SSBP2: variants seen among roughly 807,000 people sequenced by gnomAD.
The protein encoded by SSBP2 is single stranded DNA binding protein 2, also known as single-stranded DNA-binding protein 2.
SSBP2 carries 17 observed loss-of-function variants against 61.8 expected under a neutral mutation model. The observed-to-expected ratio is 0.28, with a 90% CI of 0.19 to 0.41. The LOEUF is 0.41. Among genes scored for constraint, SSBP2 ranks in the 10% least tolerant of loss-of-function variants. The pLI, the probability that SSBP2 is intolerant of heterozygous loss-of-function variation, is 1.00. For synonymous variants in SSBP2, 139 were observed against 141.3 expected (o/e 0.98, Z 0.12); for missense variants, 310 against 458.7 (o/e 0.68, Z 2.96).
intron 15 of SSBP2, among the ~76,000 whole-genome samples, chr5:81,429,658 A>G (rs908128580): frequency 6.6e-6 from 1 of 152,174 alleles, no homozygotes; most frequent in Non-Finnish European, 1.5e-5. Context: ...ACTTTTTCCT[A>G]AGCCATTCCT....
chr5:81,691,274 G>A (rs1753182850), intron 1 of SSBP2, among the ~76,000 whole-genome samples: 1 of 151,852 alleles, frequency 6.6e-6, no homozygotes, highest in East Asian at 1.9e-4. Flanking sequence ...CAATGAAAAA[G>A]TTGTTTTTTT....
At chr5:81,452,415 C>T (rs903806774) in intron 10 of SSBP2, among the ~76,000 whole-genome samples, 3 of 152,162 alleles carry the variant, frequency 2.0e-5, no homozygotes, top group Non-Finnish European at 4.4e-5. Context: ...GCATGACCTA[C>T]CACACCTAGC....
chr5:81,437,847 T>C (rs916817951), intron 14 of SSBP2: 5 of 152,754 alleles, frequency 3.3e-5, no homozygotes, highest in African/African-American at 1.2e-4. Flanking sequence ...GTAAATCTGA[T>C]AAAATATAAA....
chr5:81,696,847 C>CCTT (rs1455819952), intron 1 of SSBP2, among the ~76,000 whole-genome samples: 2 of 152,188 alleles, frequency 1.3e-5, no homozygotes, highest in African/African-American at 2.4e-5. Context: ...GGAGCAGGAA[C>CCTT]CTTGCATGCC....
chr5:81,443,897 T>A (rs924720787), intron 12 of SSBP2, among the ~76,000 whole-genome samples: 3 of 152,204 alleles, frequency 2.0e-5, no homozygotes, highest in African/African-American at 7.2e-5. Flanking sequence ...GTGTTTAAAA[T>A]TTTTGTACTG....
At chr5:81,589,392 A>G (rs889871212) in intron 4 of SSBP2, among the ~76,000 whole-genome samples, 2 of 152,258 alleles carry the variant, frequency 1.3e-5, no homozygotes, top group Non-Finnish European at 2.9e-5. Context: ...ATTTCTTTAA[A>G]TAAATCAAAA....
chr5:81,483,374 T>C (rs1219206434), intron 6 of SSBP2, among the ~76,000 whole-genome samples: 1 of 152,170 alleles, frequency 6.6e-6, no homozygotes, highest in Non-Finnish European at 1.5e-5. Flanking sequence ...ATTATATAGT[T>C]CACTCATGGA....
At chr5:81,589,979 C>CA (rs967122343) in intron 4 of SSBP2, among the ~76,000 whole-genome samples, 3 of 152,032 alleles carry the variant, frequency 2.0e-5, no homozygotes, top group African/African-American at 7.2e-5. Context: ...CCCCATCTCC[C>CA]AACACTGTTG....
chr5:81,507,956 C>T (rs764578204), intron 5 of SSBP2, among the ~76,000 whole-genome samples: 7 of 152,114 alleles, frequency 4.6e-5, no homozygotes, highest in Non-Finnish European at 7.4e-5. Context: ...AGAAAATCCA[C>T]TTGGTCTAAG....
intron 1 of SSBP2, among the ~76,000 whole-genome samples, chr5:81,735,259 A>T (rs192743129): frequency 6.6e-6 from 1 of 152,330 alleles, no homozygotes; most frequent in East Asian, 1.9e-4. Flanking sequence ...CTCTGATAAG[A>T]CAATCATGAG....
chr5:81,477,290 A>G (rs2154027203), intron 6 of SSBP2, among the ~76,000 whole-genome samples: 1 of 152,302 alleles, frequency 6.6e-6, no homozygotes, highest in East Asian at 1.9e-4. Context: ...ACATGCATAT[A>G]TGCACACGCA....
chr5:81,439,150 C>T (rs1270508572), intron 14 of SSBP2, among the ~76,000 whole-genome samples: 2 of 151,700 alleles, frequency 1.3e-5, no homozygotes, highest in African/African-American at 2.4e-5. Flanking sequence ...GACCTTAGGT[C>T]GGGAAGTGAA....
intron 15 of SSBP2, among the ~76,000 whole-genome samples, chr5:81,432,983 G>GC (rs1244403945): frequency 5.4e-4 from 40 of 73,792 alleles, no homozygotes; most frequent in Middle Eastern, 6.4e-3. Flanking sequence ...GGAGGGAGGT[G>GC]GGGGGGGTCA....
chr5:81,662,697 G>T (rs1750800692), intron 1 of SSBP2, among the ~76,000 whole-genome samples: 1 of 152,000 alleles, frequency 6.6e-6, no homozygotes, highest in Admixed American at 6.6e-5. Flanking sequence ...AGCTACTCAG[G>T]AGGCTGAGGC....
intron 9 of SSBP2, 135 bp downstream of exon 9, chr5:81,466,839 A>C (rs1044137492): frequency 4.1e-6 from 2 of 493,264 alleles, no homozygotes; most frequent in African/African-American, 3.9e-5. Context: ...TGTGGTGCTC[A>C]AATTGTTTTA....
At chr5:81,639,390 T>C (rs1313870946) in intron 2 of SSBP2, among the ~76,000 whole-genome samples, 1 of 152,198 alleles carries the variant, frequency 6.6e-6, no homozygotes, top group South Asian at 2.1e-4. Context: ...ACAGTGCCTT[T>C]TCTAAGCACT....
chr5:81,577,776 T>C (rs1376213725), intron 4 of SSBP2, among the ~76,000 whole-genome samples: 1 of 152,036 alleles, frequency 6.6e-6, no homozygotes, highest in African/African-American at 2.4e-5. Flanking sequence ...ACATCTTTTT[T>C]TCTACATCTT....
chr5:81,544,959 AGAG>A (rs1398169562), intron 4 of SSBP2, among the ~76,000 whole-genome samples: 3 of 152,194 alleles, frequency 2.0e-5, no homozygotes, highest in Admixed American at 2.0e-4. Context: ...GACTGAATAT[AGAG>A]GAGGATAAGG....
At position 81,420,421 on chromosome 5, in the gene SSBP2, C is replaced by T; in HGVS notation, c.*83G>A. 1.5e-6 allele frequency: 2 copies of T among 1,317,696 alleles called. No homozygotes were observed. The highest frequency in any genetic ancestry group is 2.3e-5 in the East Asian group (1 of 43,240). 81.6% of individuals were successfully genotyped at this position (1,317,696 alleles called of 1,614,324 possible). Reference sequence around the variant, plus strand: ...ACTGAGATTCCTTTGTTTAACTGTACACTGTGATGAATAATTTTCTTCCGT... The same window carrying T: ...ACTGAGATTCCTTTGTTTAACTGTATACTGTGATGAATAATTTTCTTCCGT... On this transcript the variant is annotated 3_prime_UTR_variant, in exon 17 of 17. Coordinates refer to ENST00000320672, the MANE Select transcript of SSBP2 (RefSeq NM_012446.5).
Sources: gnomAD v4.1 joint callset for allele counts (sites outside exome capture counted in the v4.1 genomes callset) on GRCh38, gnomAD v4.1.1 for gene constraint, MANE v1.5 for transcripts, NCBI Gene and HGNC (gene_info 2026-07-23, HGNC 2026-07-21) for gene names.